Variants in SLC15A3 observed in about 807,000 individuals in gnomAD.
SLC15A3 encodes the protein osteoclast transporter.
SLC15A3 carries 39 observed loss-of-function variants against 49.2 expected under a neutral mutation model. The ratio of observed to expected loss-of-function variants is 0.79; its 90% CI spans 0.61 to 1.04. The LOEUF (loss-of-function observed/expected upper bound fraction) is 1.04. Ranked by LOEUF, SLC15A3 falls within the 50% of genes least tolerant of loss-of-function variation. SLC15A3 has a pLI of 0.00. For missense variants in SLC15A3, 758 were observed against 794.8 expected, an observed-to-expected ratio of 0.95 and a Z score of 0.56; for synonymous variants, 339 against 367.0, an observed-to-expected ratio of 0.92 and a Z score of 0.87.
At chr11:60,938,709 C>T (rs2957231) in intron 6 of SLC15A3, among the ~76,000 whole-genome samples, 144,818 of 152,124 alleles carry the variant, frequency 0.95, 69,345 homozygotes, top group East Asian at 1. Flanking sequence ...AAGGCTTGGG[C>T]CTTTGCTTAT....
chr11:60,944,390 G>C (rs1014014243), intron 2 of SLC15A3, among the ~76,000 whole-genome samples: 6 of 152,114 alleles, frequency 3.9e-5, no homozygotes, highest in Admixed American at 2.6e-4. Flanking sequence ...GGTGACTGCT[G>C]TCAGCAAAAT....
chr11:60,939,776 A>C, intron 5 of SLC15A3, 138 bp from the exon 6 acceptor site: 32 of 956,992 alleles, frequency 3.3e-5, no homozygotes, highest in Non-Finnish European at 4.6e-5. Flanking sequence ...AGAATGCTGG[A>C]CTGGGGGGTG....
At chr11:60,939,356 GAA>G in intron 6 of SLC15A3, 122 bp downstream of exon 6, 1 of 1,218,640 alleles carries the variant, frequency 8.2e-7, no homozygotes, top group Non-Finnish European at 1.2e-6. Flanking sequence ...GCCCTGGTCA[GAA>G]AACACTGCCT....
intron 1 of SLC15A3, among the ~76,000 whole-genome samples, chr11:60,947,551 A>T (rs1389893920): frequency 1.3e-5 from 2 of 152,164 alleles, no homozygotes; most frequent in African/African-American, 2.4e-5. Context: ...AAAATGTTGT[A>T]TGCATGTTAC....
At position 60,951,581 on chromosome 11, in the gene SLC15A3, C is replaced by T; in HGVS notation, c.-30G>A. ...GCTCCGGGCTGGGCCCCCCGCGGCTCTTCTCTCCTCTCCTCTCCCCGCCTC... is the reference window on the plus strand; with the variant it reads ...GCTCCGGGCTGGGCCCCCCGCGGCTTTTCTCTCCTCTCCTCTCCCCGCCTC... On this transcript the variant is annotated 5_prime_UTR_variant, in exon 1 of 8. Transcript: ENST00000227880. 1 of 1,031,248 alleles carries T rather than the reference C, an allele frequency of 9.7e-7. No homozygotes were observed. The highest frequency in any genetic ancestry group is 1.2e-6 in the Non-Finnish European group (1 of 861,800). The allele number at this position is 1,031,248 out of a possible 1,614,324, so 63.9% of individuals were successfully genotyped here.
intron 7 of SLC15A3, 147 bp from the exon 8 acceptor site, chr11:60,937,520 G>A (rs1856637561): frequency 9.5e-7 from 1 of 1,050,504 alleles, no homozygotes; most frequent in Non-Finnish European, 1.4e-6. Flanking sequence ...ACCCACTAAT[G>A]TTTGACTTCC....
In SLC15A3 at chr11:60,951,575, G is replaced by T. The variant is rs746784387; in HGVS notation, c.-24C>A. On this transcript the variant is annotated 5_prime_UTR_variant, in exon 1 of 8. Transcript: ENST00000227880. ...ATCCTGGCTCCGGGCTGGGCCCCCC[G>T]CGGCTCTTCTCTCCTCTCCTCTCCC... The T allele has an allele frequency of 1.0e-3, 1,150 of 1,116,228 alleles. 40 individuals are homozygous for T. In the South Asian group the frequency reaches 0.045, roughly 44 times the overall value. 69.1% of individuals were successfully genotyped at this position (1,116,228 alleles called of 1,614,324 possible).
chr11:60,950,470 G>A (rs1396158074), intron 1 of SLC15A3, among the ~76,000 whole-genome samples: 1 of 152,174 alleles, frequency 6.6e-6, no homozygotes, highest in African/African-American at 2.4e-5. Flanking sequence ...AAAGTGCTTA[G>A]CATAGGGCCT....
chr11:60,951,106 G>A lies in SLC15A3; in HGVS notation c.446C>T (p.Pro149Leu), dbSNP rs1392089705. 6.8e-6 allele frequency: 10 copies of A among 1,476,028 alleles called. No homozygotes were observed. Among genetic ancestry groups the A allele is most frequent in the Admixed American group, 2.4e-5 (1 of 41,572 alleles). 91.4% of individuals were successfully genotyped at this position (1,476,028 alleles called of 1,614,324 possible). A position where few individuals can be genotyped will look rare whatever the true frequency, so the allele number is the denominator to read the frequency against. Residue 149 changes from proline (P) to leucine (L), a missense_variant, in exon 1 of 8, where the codon CCG becomes CTG. Pro to Leu is a moderately conservative substitution (Grantham distance 98). Transcript: ENST00000227880. The part of the protein sequence containing the change: ...LGPACPSAGC[P>L]RSSPSPYCAP... ...GCAGTAGGGGCTGGGCGAGGAGCGC[G>A]GGCAGCCGGCCGAGGGGCAGGCAGG...
Position 60,949,204 on chromosome 11 carries a change from C to T in SLC15A3, c.558+1790G>A, listed in dbSNP as rs376249399. 5.3e-5 allele frequency among the ~76,000 whole-genome samples: 8 copies of T among 152,084 alleles called. No individual in the cohort carries two copies. In the East Asian group the frequency reaches 7.7e-4, roughly 15 times the overall value. On this transcript the variant is annotated intron_variant, in intron 1 of 7. Transcript: ENST00000227880. ...ATACAAAAACTAGCCAGCGTGGTAG[C>T]GGGCACCTATAATCCCAGCTACTTG... is the stretch of plus-strand genomic sequence containing the variant.
Position 60,937,177 on chromosome 11 carries a change from C to G in SLC15A3, c.*42G>C, listed in dbSNP as rs1316149817. 6.3e-7 allele frequency: 1 copy of G among 1,582,806 alleles called. No homozygotes were observed. The highest frequency in any genetic ancestry group is 1.8e-5 in the Admixed American group (1 of 56,214). On this transcript the variant is annotated 3_prime_UTR_variant, in exon 8 of 8. Transcript: ENST00000227880. The stretch of plus-strand genomic sequence containing the variant: ...AAACCAGAGCTGGGACTGCTGCCGT[C>G]TGTCCGGTAGAGTGAAGCAAGGGGG...
rs756700350 is a variant in SLC15A3, at chr11:60,942,127, G to A, written c.1015C>T (p.Leu339=). 1.2e-6 allele frequency: 2 copies of A among 1,614,056 alleles called. No individual in the cohort carries two copies. The highest frequency in any genetic ancestry group is 1.7e-6 in the Non-Finnish European group (2 of 1,179,924). ...GGGATGTGGAGGTGAAGACCCTGCA[G>A]GACATAGGTGGACTGCATCTGCCAA... ...VYFQMQSTYV[L]QGLHLHIPNI... The change falls in exon 4 of 8, where the codon CTG becomes TTG. Residue 339 remains leucine (L), a synonymous_variant. Transcript: ENST00000227880.
At chr11:60,948,360 G>A (rs1002364085) in intron 1 of SLC15A3, among the ~76,000 whole-genome samples, 10 of 152,160 alleles carry the variant, frequency 6.6e-5, no homozygotes, top group Non-Finnish European at 1.3e-4. Flanking sequence ...TAACTCTAAG[G>A]GGGAAGACCA....
chr11:60,942,486 G>A (rs117876606), intron 3 of SLC15A3: 4,389 of 232,008 alleles, frequency 0.019, 74 homozygotes, highest in Middle Eastern at 0.046. Flanking sequence ...TGCCCCCACA[G>A]GGAGTTCTCA....
At chr11:60,937,543 G>A (rs780484175) in intron 7 of SLC15A3, 170 bp from the exon 8 acceptor site, 2 of 872,062 alleles carry the variant, frequency 2.3e-6, no homozygotes, top group East Asian at 2.6e-5. Context: ...AAGATCTCCA[G>A]GGGTGTCTAC....
At position 60,939,567 on chromosome 11, in the gene SLC15A3, G is replaced by A. The variant is rs770533281; in HGVS notation, c.1348C>T (p.Leu450=). 4 of 1,614,044 alleles carry A rather than the reference G, an allele frequency of 2.5e-6. No homozygotes were observed. Among genetic ancestry groups the A allele is most frequent in the East Asian group, 2.2e-5 (1 of 44,898 alleles). Reference sequence around the variant, plus strand: ...ATGGACAGTGGTGCCGCGTTGTACAGGACCTCCCCAATCTGCTGGGACACG... The same window carrying A: ...ATGGACAGTGGTGCCGCGTTGTACAAGACCTCCCCAATCTGCTGGGACACG... ...ETVSQQIGEV[L]YNAAPLSIWW... Residue 450 remains leucine (L), a synonymous_variant, in exon 6 of 8, where the codon CTG becomes TTG. Transcript: ENST00000227880.
In SLC15A3 at chr11:60,938,301, A is replaced by G. The variant is rs374380130; in HGVS notation, c.1436-276T>C. Among the ~76,000 whole-genome samples, 91 of 152,116 alleles carry G rather than the reference A, an allele frequency of 6.0e-4. 3 individuals are homozygous for G. The South Asian group carries it at 0.019, about 31-fold the overall frequency. On this transcript the variant is annotated intron_variant, in intron 6 of 7. Transcript: ENST00000227880. ...CCCTCCTCCCCTTCCTGCCAGGTCT[A>G]TCATTTCAGTGACAGCACCATCTTT...
rs556702747 is a variant in SLC15A3, at chr11:60,945,913, A to G, written c.848+619T>C. Among the ~76,000 whole-genome samples the G allele has an allele frequency of 6.0e-4, 91 of 152,304 alleles. 1 individual carries two copies. The highest frequency in any genetic ancestry group is 1.9e-3 in the South Asian group (9 of 4,826). ...CCGCATTGCCAATGTTTGTGTCTTC[A>G]GTGTAGATACCAACACCATCATCCT... On this transcript the variant is annotated intron_variant, in intron 2 of 7. Coordinates refer to ENST00000227880, the MANE Select transcript of SLC15A3 (RefSeq NM_016582.3).
chr11:60,939,413 T>C, intron 6 of SLC15A3, 67 bp downstream of exon 6: 1 of 1,581,700 alleles, frequency 6.3e-7, no homozygotes. Context: ...CTGGGGTACC[T>C]GACTTTGAGG....
Sources: gnomAD v4.1 joint callset for allele counts (sites outside exome capture counted in the v4.1 genomes callset) on GRCh38, gnomAD v4.1.1 for gene constraint, MANE v1.5 for transcripts, NCBI Gene and HGNC (gene_info 2026-07-23, HGNC 2026-07-21) for gene names.